Variants in NXPH2 observed in about 807,000 individuals in gnomAD.
NXPH2 encodes the protein neurexophilin-2.
Under a neutral mutation model 19.8 loss-of-function variants are expected in NXPH2, and 5 were observed. That is an observed-to-expected ratio of 0.25 (90% CI 0.13 to 0.53). NXPH2 has a LOEUF of 0.53. Ranked by LOEUF, NXPH2 falls within the 20% of genes least tolerant of loss-of-function variation. NXPH2 has a pLI of 0.96. For synonymous variants in NXPH2, 154 were observed against 127.4 expected, an observed-to-expected ratio of 1.21 and a Z score of -1.41; for missense variants, 289 against 322.8, an observed-to-expected ratio of 0.90 and a Z score of 0.80.
chr2:138,780,341 G>C lies in NXPH2; in HGVS notation c.-100C>G. The C allele has an allele frequency of 2.0e-6, 2 of 995,532 alleles. No individual in the cohort carries two copies. The highest frequency in any genetic ancestry group is 2.7e-6 in the Non-Finnish European group (2 of 745,634). 61.7% of individuals were successfully genotyped at this position (995,532 alleles called of 1,614,324 possible). On this transcript the variant is annotated 5_prime_UTR_variant, in exon 1 of 2. Coordinates refer to ENST00000272641, the MANE Select transcript of NXPH2 (RefSeq NM_007226.3). ...GGACTGAGGACGCCAGGGACACAGC[G>C]CGGCGCTTCCCTCCCGGAATCCGAG...
chr2:138,724,576 C>T (rs13431346), intron 1 of NXPH2, among the ~76,000 whole-genome samples: 67,334 of 152,082 alleles, frequency 0.44, 15,892 homozygotes, highest in Non-Finnish European at 0.54. Flanking sequence ...AACCATTTTT[C>T]CCCTGGAACT....
At chr2:138,687,010 C>A (rs1486674039) in intron 1 of NXPH2, among the ~76,000 whole-genome samples, 2 of 152,160 alleles carry the variant, frequency 1.3e-5, no homozygotes, top group Non-Finnish European at 2.9e-5. Context: ...CCGCAATAAA[C>A]ATATGTGTGC....
At position 138,772,488 on chromosome 2, in the gene NXPH2, G is replaced by A. The variant is rs146371060; in HGVS notation, c.51+7703C>T. Among the ~76,000 whole-genome samples, 1,109 of 152,186 alleles carry A rather than the reference G, an allele frequency of 7.3e-3. 12 individuals are homozygous for A. The highest frequency in any genetic ancestry group is 0.025 in the African/African-American group (1,024 of 41,520). On this transcript the variant is annotated intron_variant, in intron 1 of 1. Coordinates refer to ENST00000272641, the MANE Select transcript of NXPH2 (RefSeq NM_007226.3). ...ATTTTGTATTTTTTAGTAGAGACGG[G>A]GTTTCTCCATGTTGGTCAAGCTGGT...
rs368615382 is a variant in NXPH2, at chr2:138,708,056, G to T, written c.52-36391C>A. ...CTGACTGTCCCAAGATGCCAGGGCT[G>T]TCTCCTCTTATAGAGCCTCATGTGT... On this transcript the variant is annotated intron_variant, in intron 1 of 1. Transcript: ENST00000272641. Among the ~76,000 whole-genome samples the T allele has an allele frequency of 3.3e-5, 5 of 152,176 alleles. No individual in the cohort carries two copies. In the East Asian group the frequency reaches 5.8e-4, roughly 18 times the overall value.
At chr2:138,723,725 G>C (rs1013565700) in intron 1 of NXPH2, among the ~76,000 whole-genome samples, 1 of 152,128 alleles carries the variant, frequency 6.6e-6, no homozygotes, top group African/African-American at 2.4e-5. Context: ...GCTTCTCAGA[G>C]GTGGTGCTGG....
At chr2:138,688,303 C>T (rs1680692404) in intron 1 of NXPH2, among the ~76,000 whole-genome samples, 1 of 152,298 alleles carries the variant, frequency 6.6e-6, no homozygotes. Context: ...CCTGCCTCAG[C>T]CTCCTGAATA....
Position 138,671,087 on chromosome 2 carries a change from G to T in NXPH2, c.630C>A (p.Ile210=). The part of the protein sequence containing the change: ...TALCNFDPSK[I]CYQEQTQSHV... ...GGCTCTGAGTCTGCTCCTGGTAGCA[G>T]ATCTTGGATGGGTCAAAGTTGCACA... The change falls in exon 2 of 2, where the codon ATC becomes ATA. Residue 210 remains isoleucine, a synonymous_variant. Transcript: ENST00000272641. The T allele has an allele frequency of 6.2e-7, 1 of 1,613,998 alleles. No individual in the cohort carries two copies. The highest frequency in any genetic ancestry group is 2.2e-5 in the East Asian group (1 of 44,868).
At chr2:138,688,364 TAG>T (rs1207203255) in intron 1 of NXPH2, among the ~76,000 whole-genome samples, 1 of 152,184 alleles carries the variant, frequency 6.6e-6, no homozygotes, top group Non-Finnish European at 1.5e-5. Context: ...TATTTTTTAG[TAG>T]ATATGGGGTT....
At chr2:138,728,512 G>A (rs1681393191) in intron 1 of NXPH2, among the ~76,000 whole-genome samples, 1 of 152,132 alleles carries the variant, frequency 6.6e-6, no homozygotes, top group South Asian at 2.1e-4. Context: ...ATTTGGCATA[G>A]GACTTGTCAT....
intron 1 of NXPH2, among the ~76,000 whole-genome samples, chr2:138,704,223 T>A (rs181571397): frequency 6.6e-6 from 1 of 152,338 alleles, no homozygotes; most frequent in Admixed American, 6.5e-5. Flanking sequence ...CTCAGGCTAT[T>A]AAAGTATAAA....
At chr2:138,776,859 G>A (rs1273264740) in intron 1 of NXPH2, among the ~76,000 whole-genome samples, 2 of 151,692 alleles carry the variant, frequency 1.3e-5, no homozygotes, top group African/African-American at 4.8e-5. Flanking sequence ...TAAATTATGT[G>A]GTACTAAAAA....
At chr2:138,721,161 G>A (rs1681272980) in intron 1 of NXPH2, among the ~76,000 whole-genome samples, 1 of 152,100 alleles carries the variant, frequency 6.6e-6, no homozygotes, top group Non-Finnish European at 1.5e-5. Flanking sequence ...CCAAAATGGT[G>A]AAACCCCCAT....
intron 1 of NXPH2, among the ~76,000 whole-genome samples, chr2:138,769,117 T>G (rs900122260): frequency 6.6e-6 from 1 of 152,164 alleles, no homozygotes; most frequent in African/African-American, 2.4e-5. Context: ...CTCTTAATAG[T>G]GTAGTGGTAT....
intron 1 of NXPH2, among the ~76,000 whole-genome samples, chr2:138,707,139 GA>G (rs1320432900): frequency 2.7e-5 from 2 of 74,238 alleles, no homozygotes; most frequent in Non-Finnish European, 6.0e-5. Flanking sequence ...CAACAGCTAG[GA>G]ATCTTCTTAG....
chr2:138,693,561 T>C (rs1056213205), intron 1 of NXPH2, among the ~76,000 whole-genome samples: 1 of 152,090 alleles, frequency 6.6e-6, no homozygotes, highest in African/African-American at 2.4e-5. Flanking sequence ...AAATTATAGA[T>C]TCTTGATGGT....
chr2:138,765,637 G>A (rs1402122393), intron 1 of NXPH2, among the ~76,000 whole-genome samples: 1 of 152,064 alleles, frequency 6.6e-6, no homozygotes, highest in Non-Finnish European at 1.5e-5. Flanking sequence ...CAATAAAAAG[G>A]GAATGCAACC....
intron 1 of NXPH2, among the ~76,000 whole-genome samples, chr2:138,697,532 T>A (rs1199444398): frequency 6.6e-6 from 1 of 151,892 alleles, no homozygotes; most frequent in Non-Finnish European, 1.5e-5. Flanking sequence ...ATACTATAAG[T>A]GGGGAAAAGT....
At chr2:138,773,810 C>T (rs1192318416) in intron 1 of NXPH2, among the ~76,000 whole-genome samples, 1 of 152,070 alleles carries the variant, frequency 6.6e-6, no homozygotes, top group Non-Finnish European at 1.5e-5. Flanking sequence ...GCAGCAATAT[C>T]TCAAAGTCAA....
At chr2:138,708,253 C>T (rs544302766) in intron 1 of NXPH2, among the ~76,000 whole-genome samples, 3 of 152,320 alleles carry the variant, frequency 2.0e-5, no homozygotes, top group South Asian at 2.1e-4. Flanking sequence ...AGCCGTCACA[C>T]ACGCTGCCCA....
Sources: gnomAD v4.1 joint callset for allele counts (sites outside exome capture counted in the v4.1 genomes callset) on GRCh38, gnomAD v4.1.1 for gene constraint, MANE v1.5 for transcripts, NCBI Gene and HGNC (gene_info 2026-07-23, HGNC 2026-07-21) for gene names.